Variants in NRXN1 observed in about 807,000 individuals in gnomAD.
NRXN1 encodes neurexin-1.
In NRXN1, 39 loss-of-function variants were observed where a neutral mutation model predicts 150.9. The ratio of observed to expected loss-of-function variants is 0.26; its 90% CI spans 0.20 to 0.34. NRXN1 has a LOEUF of 0.34. Among genes scored for constraint, NRXN1 ranks in the 10% least tolerant of loss-of-function variants. NRXN1 has a pLI of 1.00. For synonymous variants in NRXN1, 924 were observed against 757.0 expected, an observed-to-expected ratio of 1.22 and a Z score of -3.62; for missense variants, 1,815 against 1,949.9, an observed-to-expected ratio of 0.93 and a Z score of 1.30.
At chr2:50,240,776 C>G (rs1240881132) in intron 17 of NRXN1, among the ~76,000 whole-genome samples, 1 of 151,584 alleles carries the variant, frequency 6.6e-6, no homozygotes, top group Non-Finnish European at 1.5e-5. Context: ...TTATAGAGCT[C>G]TATCAGAATT....
intron 17 of NRXN1, among the ~76,000 whole-genome samples, chr2:50,350,795 A>C (rs2078355412): frequency 6.6e-6 from 1 of 152,150 alleles, no homozygotes; most frequent in Non-Finnish European, 1.5e-5. Context: ...GGGTTAGAGA[A>C]AGGATGGGCC....
At chr2:50,085,563 G>C (rs1292435793) in intron 19 of NRXN1, among the ~76,000 whole-genome samples, 3 of 151,912 alleles carry the variant, frequency 2.0e-5, no homozygotes, top group African/African-American at 7.3e-5. Context: ...TACTTAATTT[G>C]CTAATAAAGT....
At chr2:50,145,099 G>A (rs1007117957) in intron 18 of NRXN1, among the ~76,000 whole-genome samples, 4 of 151,416 alleles carry the variant, frequency 2.6e-5, no homozygotes, top group Non-Finnish European at 4.4e-5. Context: ...TAGTATAAAA[G>A]CATATTTTTA....
At chr2:50,947,500 T>C (rs1055307270) in intron 2 of NRXN1, among the ~76,000 whole-genome samples, 1 of 151,978 alleles carries the variant, frequency 6.6e-6, no homozygotes, top group Non-Finnish European at 1.5e-5. Context: ...TCTTTTCCCA[T>C]GCACGGCAAT....
intron 17 of NRXN1, among the ~76,000 whole-genome samples, chr2:50,384,683 G>T (rs906212354): frequency 6.6e-6 from 1 of 151,816 alleles, no homozygotes; most frequent in Non-Finnish European, 1.5e-5. Context: ...CCACTTAATG[G>T]GTTGTCCCAA....
chr2:50,835,417 A>G (rs1671971828), intron 5 of NRXN1, among the ~76,000 whole-genome samples: 1 of 152,192 alleles, frequency 6.6e-6, no homozygotes, highest in African/African-American at 2.4e-5. Context: ...AATTACATTT[A>G]AAAATATTTT....
intron 17 of NRXN1, among the ~76,000 whole-genome samples, chr2:50,291,621 G>C (rs543257943): frequency 1.2e-4 from 18 of 152,248 alleles, no homozygotes; most frequent in South Asian, 6.2e-4. Context: ...AACGAAGCCC[G>C]AAGCCTGCCG....
At chr2:50,882,055 A>C (rs149443493) in intron 5 of NRXN1, among the ~76,000 whole-genome samples, 1 of 151,940 alleles carries the variant, frequency 6.6e-6, no homozygotes, top group Non-Finnish European at 1.5e-5. Flanking sequence ...TCAATAAAAC[A>C]ACCACTAAAA....
intron 5 of NRXN1, among the ~76,000 whole-genome samples, chr2:50,650,202 T>G (rs1685407937): frequency 1.3e-5 from 2 of 152,066 alleles, no homozygotes; most frequent in African/African-American, 4.8e-5. Flanking sequence ...CTTCTGATAC[T>G]GGGTAAGATC....
intron 15 of NRXN1, among the ~76,000 whole-genome samples, chr2:50,483,987 G>C (rs1218903663): frequency 6.6e-6 from 1 of 152,130 alleles, no homozygotes; most frequent in Non-Finnish European, 1.5e-5. Context: ...TTTGGGTGGG[G>C]AAGACCCAGT....
intron 21 of NRXN1, among the ~76,000 whole-genome samples, chr2:49,986,741 A>G (rs2152514690): frequency 6.6e-6 from 1 of 152,252 alleles, no homozygotes; most frequent in South Asian, 2.1e-4. Flanking sequence ...TTTTGGGAAC[A>G]CTCAAAGTCC....
intron 2 of NRXN1, among the ~76,000 whole-genome samples, chr2:50,998,920 T>G (rs1699677918): frequency 6.6e-6 from 1 of 152,058 alleles, no homozygotes. Context: ...ATACAGTTGT[T>G]GAAATACATT....
chr2:50,611,717 A>C (rs1678163749), intron 8 of NRXN1, among the ~76,000 whole-genome samples: 1 of 152,230 alleles, frequency 6.6e-6, no homozygotes, highest in Non-Finnish European at 1.5e-5. Context: ...CTGGCTACAC[A>C]GTATGGAAAA....
chr2:50,206,613 C>T (rs613166), intron 18 of NRXN1, among the ~76,000 whole-genome samples: 58,316 of 151,558 alleles, frequency 0.38, 11,648 homozygotes, highest in Non-Finnish European at 0.43. Flanking sequence ...TAAAAATTAC[C>T]TGGAACTCCC....
chr2:50,408,255 T>A (rs546997323), intron 17 of NRXN1, among the ~76,000 whole-genome samples: 1 of 152,206 alleles, frequency 6.6e-6, no homozygotes, highest in Non-Finnish European at 1.5e-5. Context: ...CATGAGAATT[T>A]CCAAGTAGTA....
chr2:50,669,837 A>G (rs1424709982), intron 5 of NRXN1, among the ~76,000 whole-genome samples: 1 of 149,054 alleles, frequency 6.7e-6, no homozygotes, highest in Admixed American at 6.8e-5. Context: ...AATAGAAATA[A>G]AAATAAAAAT....
chr2:50,508,715 A>G (rs2092339322), intron 12 of NRXN1, among the ~76,000 whole-genome samples: 1 of 152,170 alleles, frequency 6.6e-6, no homozygotes, highest in South Asian at 2.1e-4. Flanking sequence ...CAGTAAAGTC[A>G]TAATGCTTAA....
chr2:49,929,150 C>T (rs1442110192), intron 22 of NRXN1, among the ~76,000 whole-genome samples: 1 of 152,024 alleles, frequency 6.6e-6, no homozygotes, highest in Non-Finnish European at 1.5e-5. Context: ...GGAAGGGATG[C>T]TAGACACGGA....
At chr2:50,037,821 C>T (rs1366001691) in intron 21 of NRXN1, among the ~76,000 whole-genome samples, 1 of 152,178 alleles carries the variant, frequency 6.6e-6, no homozygotes. Context: ...GTAGAAACTG[C>T]TTCAGCAGGT....
Sources: gnomAD v4.1 joint callset for allele counts (sites outside exome capture counted in the v4.1 genomes callset) on GRCh38, gnomAD v4.1.1 for gene constraint, MANE v1.5 for transcripts, NCBI Gene and HGNC (gene_info 2026-07-23, HGNC 2026-07-21) for gene names.